Variants in SLC24A4 observed in about 807,000 individuals in gnomAD.
SLC24A4 encodes solute carrier family 24 member 4, also known as sodium/potassium/calcium exchanger 4.
SLC24A4 carries 53 observed loss-of-function variants against 79.0 expected under a neutral mutation model. The observed-to-expected ratio is 0.67, with a 90% CI of 0.54 to 0.84. SLC24A4 has a LOEUF of 0.84. Ranked by LOEUF, SLC24A4 falls within the 40% of genes least tolerant of loss-of-function variation. The probability of loss-of-function intolerance (pLI) is 0.00; values close to 1 mark genes in which losing one functional copy is unlikely to be tolerated. For missense variants in SLC24A4, 731 were observed against 822.0 expected (o/e 0.89, Z 1.35); for synonymous variants, 323 against 323.8 (o/e 1.00, Z 0.03).
At chr14:92,436,049 CTGTT>C (rs1363739533) in intron 3 of SLC24A4, among the ~76,000 whole-genome samples, 11 of 152,306 alleles carry the variant, frequency 7.2e-5, no homozygotes, top group South Asian at 6.2e-4. Context: ...AGCTCACCAA[CTGTT>C]TGTTTGTTTG....
intron 2 of SLC24A4, among the ~76,000 whole-genome samples, chr14:92,336,831 G>A (rs142939786): frequency 0.022 from 3,405 of 152,268 alleles, 117 homozygotes; most frequent in African/African-American, 0.071. Context: ...GCCTCAAAGG[G>A]TAGGTGGAGG....
chr14:92,465,665 A>C (rs1462162249), intron 12 of SLC24A4, among the ~76,000 whole-genome samples: 1 of 152,070 alleles, frequency 6.6e-6, no homozygotes, highest in Non-Finnish European at 1.5e-5. Context: ...GCGAGGAAGC[A>C]TACACAGGAT....
intron 2 of SLC24A4, among the ~76,000 whole-genome samples, chr14:92,368,775 C>T (rs555331714): frequency 3.3e-5 from 5 of 152,238 alleles, no homozygotes; most frequent in African/African-American, 1.2e-4. Flanking sequence ...GTCTCCTTCC[C>T]CTCGTCTAGG....
At chr14:92,340,719 C>T (rs1342659926) in intron 2 of SLC24A4, among the ~76,000 whole-genome samples, 1 of 152,226 alleles carries the variant, frequency 6.6e-6, no homozygotes, top group East Asian at 1.9e-4. Context: ...GTGATATTCA[C>T]CATCAGAAGC....
intron 12 of SLC24A4, among the ~76,000 whole-genome samples, chr14:92,475,911 A>G (rs1041646677): frequency 5.3e-5 from 8 of 152,330 alleles, no homozygotes; most frequent in African/African-American, 1.9e-4. Flanking sequence ...ATCTCATCCA[A>G]CAGTTGAAAA....
At position 92,353,422 on chromosome 14, in the gene SLC24A4, G is replaced by A. The variant is rs1264096167; in HGVS notation, c.241+27444G>A. ...CATTGTTGCCATGAGTGGCTTAGAA[G>A]TAAATTGCTGGGTCAGAGGGTGGGT... On this transcript the variant is annotated intron_variant, in intron 2 of 16. Coordinates refer to ENST00000532405, the MANE Select transcript of SLC24A4 (RefSeq NM_153646.4). This position sits in a 1 kb window ranked among gnomAD's most constrained non-coding sequence, Gnocchi z 4.1. Among the ~76,000 whole-genome samples, 1 of 152,216 alleles carries A rather than the reference G, an allele frequency of 6.6e-6. No individual in the cohort carries two copies. The highest frequency in any genetic ancestry group is 1.9e-4 in the East Asian group (1 of 5,196).
intron 2 of SLC24A4, among the ~76,000 whole-genome samples, chr14:92,327,766 A>ATCATTCAAT: frequency 6.6e-6 from 1 of 152,344 alleles, no homozygotes; most frequent in African/African-American, 2.4e-5. Flanking sequence ...CTGATTAAAA[A>ATCATTCAAT]TCATTCAATT....
chr14:92,358,224 G>C (rs1887289389), intron 2 of SLC24A4, among the ~76,000 whole-genome samples: 4 of 152,060 alleles, frequency 2.6e-5, no homozygotes, highest in Non-Finnish European at 5.9e-5. Context: ...GTTCAGATAG[G>C]CCAGTTAAAT....
chr14:92,325,794 C>A, intron 1 of SLC24A4, 74 bp from the exon 2 acceptor site: 2 of 867,186 alleles, frequency 2.3e-6, no homozygotes, highest in South Asian at 1.5e-5. Flanking sequence ...CATAGACACA[C>A]AAATGTAAGG....
At chr14:92,382,667 T>C (rs1888922607) in intron 2 of SLC24A4, among the ~76,000 whole-genome samples, 1 of 152,206 alleles carries the variant, frequency 6.6e-6, no homozygotes, top group African/African-American at 2.4e-5. Context: ...CTGGAACCTA[T>C]GTCCAAGCTG....
chr14:92,390,880 A>G (rs1355196707), intron 2 of SLC24A4, among the ~76,000 whole-genome samples: 2 of 152,186 alleles, frequency 1.3e-5, no homozygotes, highest in East Asian at 3.8e-4. Context: ...AGCACAATAA[A>G]GGTTTACGCC....
intron 2 of SLC24A4, among the ~76,000 whole-genome samples, chr14:92,339,603 C>T (rs1216647469): frequency 3.9e-5 from 6 of 152,184 alleles, no homozygotes; most frequent in South Asian, 2.1e-4. Context: ...CCGGGGTAGG[C>T]GGAGGGTCCC....
At position 92,441,921 on chromosome 14, in the gene SLC24A4, G is replaced by T. The variant is rs1240041687; in HGVS notation, c.394-168G>T. On this transcript the variant is annotated intron_variant, in intron 4 of 16. Transcript: ENST00000532405. The surrounding 1 kb of genome is among the most constrained non-coding windows in gnomAD (Gnocchi z 4.6). Reference sequence around the variant, plus strand: ...AATGCCTGGTGGAGGCTGGAGGGCAGATGGCAGAGGGCACACAGCATGTGC... The same window carrying T: ...AATGCCTGGTGGAGGCTGGAGGGCATATGGCAGAGGGCACACAGCATGTGC... 6.6e-6 allele frequency among the ~76,000 whole-genome samples: 1 copy of T among 152,220 alleles called. No homozygotes were observed. The highest frequency in any genetic ancestry group is 1.5e-5 in the Non-Finnish European group (1 of 68,044).
chr14:92,442,644 G>C (rs528807606), intron 5 of SLC24A4, 69 bp from the exon 6 acceptor site: 5 of 1,095,312 alleles, frequency 4.6e-6, no homozygotes, highest in Non-Finnish European at 7.0e-6. Flanking sequence ...CTGTGAAAGG[G>C]GGACACTGAG....
chr14:92,322,930 C>G (rs1194123122), upstream of SLC24A4, among the ~76,000 whole-genome samples: 2 of 152,112 alleles, frequency 1.3e-5, no homozygotes, highest in Non-Finnish European at 2.9e-5. Flanking sequence ...CTGCAGCAGC[C>G]TCAGAGGGTA....
In SLC24A4 at chr14:92,483,700, G is replaced by A. The variant is rs1268957812; in HGVS notation, c.1422+854G>A. 7 of 1,269,968 alleles carry A rather than the reference G, an allele frequency of 5.5e-6. No individual in the cohort carries two copies. The East Asian group carries it at 3.4e-4, about 61-fold the overall frequency. The allele number at this position is 1,269,968 out of a possible 1,614,324, so 78.7% of individuals were successfully genotyped here. A position where few individuals can be genotyped will look rare whatever the true frequency, so the allele number is the denominator to read the frequency against. On this transcript the variant is annotated intron_variant, in intron 13 of 16. Coordinates refer to ENST00000532405, the MANE Select transcript of SLC24A4 (RefSeq NM_153646.4). ...CCACTCTCTGTATACCACCTAATGG[G>A]GTCCCTTCTTCTCCTCCTCATTCCC...
At chr14:92,394,819 C>T (rs899248771) in intron 2 of SLC24A4, among the ~76,000 whole-genome samples, 20 of 152,288 alleles carry the variant, frequency 1.3e-4, no homozygotes, top group African/African-American at 4.6e-4. Flanking sequence ...ATCATTTGTG[C>T]GTTCTCTGTC....
Position 92,491,649 on chromosome 14 carries a change from T to A in SLC24A4, c.1538-16T>A. ...GACCTGCTCTTATAAAATAAATGTG[T>A]TGTTGTCCCCTGCAGGCCTTGGGGA... On this transcript the variant is annotated splice_polypyrimidine_tract_variant and intron_variant, in intron 14 of 16. Coordinates refer to ENST00000532405, the MANE Select transcript of SLC24A4 (RefSeq NM_153646.4). The A allele has an allele frequency of 6.4e-7, 1 of 1,555,300 alleles. No individual in the cohort carries two copies. Among genetic ancestry groups the A allele is most frequent in the South Asian group, 1.1e-5 (1 of 89,774 alleles).
chr14:92,445,103 G>A (rs1391337126), intron 7 of SLC24A4, among the ~76,000 whole-genome samples: 1 of 152,148 alleles, frequency 6.6e-6, no homozygotes, highest in Non-Finnish European at 1.5e-5. Flanking sequence ...ATCTCTGGGG[G>A]TGGCCATGCT....
Sources: allele counts gnomAD v4.1 joint callset (sites outside exome capture counted in the v4.1 genomes callset), GRCh38; gene constraint gnomAD v4.1.1; non-coding constraint Gnocchi (gnomAD v3.1); transcripts MANE v1.5; gene names NCBI Gene and HGNC (gene_info 2026-07-23, HGNC 2026-07-21).